The following MED13L variants were observed in gnomAD, a reference collection of about 807,000 sequenced individuals.
MED13L encodes the protein mediator of RNA polymerase II transcription subunit 13-like.
Under a neutral mutation model 220.9 loss-of-function variants are expected in MED13L, and 7 were observed. That is an observed-to-expected ratio of 0.03 (90% confidence interval 0.02 to 0.06). The LOEUF (loss-of-function observed/expected upper bound fraction) is 0.06. MED13L is among the 10% of genes least tolerant of loss of function. The pLI is 1.00. For missense variants in MED13L, 1,965 were observed against 2,760.5 expected (o/e 0.71, Z 6.46); for synonymous variants, 1,011 against 1,015.2 (o/e 1.00, Z 0.08).
intron 1 of MED13L, among the ~76,000 whole-genome samples, chr12:116,253,636 C>T (rs1232627233): frequency 1.3e-5 from 2 of 151,220 alleles, no homozygotes; most frequent in African/African-American, 4.9e-5. Flanking sequence ...CTTAGTTCAA[C>T]ATTTAGAAAC....
In MED13L at chr12:115,980,766, G is replaced by A; in HGVS notation, c.5348C>T (p.Thr1783Ile). 1.2e-6 allele frequency: 2 copies of A among 1,614,022 alleles called. No homozygotes were observed. Among genetic ancestry groups the A allele is most frequent in the Non-Finnish European group, 1.7e-6 (2 of 1,180,006 alleles). ...AATACCTACCTCAGGGTTCTTGAGG[G>A]TCATCTCAATGCTGGCTGCAGGCCC... ...GFGPAASIEM[T>I]LKNPERPSPI... The change falls in exon 23 of 31, where the codon ACC (threonine) becomes ATC (isoleucine). Residue 1783 changes from threonine (T) to isoleucine (I), a missense_variant. Coordinates refer to ENST00000281928, the MANE Select transcript of MED13L (RefSeq NM_015335.5).
intron 3 of MED13L, among the ~76,000 whole-genome samples, chr12:116,099,254 T>C (rs1872863501): frequency 1.3e-5 from 2 of 152,200 alleles, no homozygotes; most frequent in African/African-American, 4.8e-5. Context: ...CTGTCACATT[T>C]TCCCAATTCT....
rs993323494 is a variant in MED13L at position 116,175,061 on chromosome 12, C to A, written c.310+62407G>T. ...TGAGCAACAGAATGAGATCTTGTCT[C>A]CAAAAAAAGAAAAGAAAATACATAA... is the stretch of plus-strand genomic sequence containing the variant. On this transcript the variant is annotated intron_variant, in intron 2 of 30. Coordinates refer to ENST00000281928, the MANE Select transcript of MED13L (RefSeq NM_015335.5). Among the ~76,000 whole-genome samples, 4 of 151,618 alleles carry A rather than the reference C, an allele frequency of 2.6e-5. No homozygotes were observed. In the East Asian group the frequency reaches 7.7e-4, roughly 29 times the overall value.
intron 2 of MED13L, among the ~76,000 whole-genome samples, chr12:116,114,570 A>G (rs1471337191): frequency 6.6e-6 from 1 of 152,152 alleles, no homozygotes; most frequent in Non-Finnish European, 1.5e-5. Context: ...GTGGCAAAAG[A>G]CTGAACGAAC....
At chr12:116,056,405 G>A (rs1219528225) in intron 4 of MED13L, among the ~76,000 whole-genome samples, 1 of 152,030 alleles carries the variant, frequency 6.6e-6, no homozygotes, top group African/African-American at 2.4e-5. Flanking sequence ...TATGTAGCTG[G>A]GACCTCAGGC....
chr12:115,961,831 C>T (rs1051469071), intron 30 of MED13L, among the ~76,000 whole-genome samples: 24 of 151,928 alleles, frequency 1.6e-4, no homozygotes, highest in African/African-American at 3.9e-4. Flanking sequence ...ATTAGTCAGG[C>T]GTGGTGGTGC....
chr12:116,173,878 A>G (rs1879865562), intron 2 of MED13L, among the ~76,000 whole-genome samples: 1 of 152,120 alleles, frequency 6.6e-6, no homozygotes, highest in Admixed American at 6.6e-5. Flanking sequence ...GCGAGAGGAC[A>G]CCTTGAGGCC....
At chr12:116,069,530 G>C (rs1870210191) in intron 4 of MED13L, among the ~76,000 whole-genome samples, 1 of 152,088 alleles carries the variant, frequency 6.6e-6, no homozygotes, top group African/African-American at 2.4e-5. Flanking sequence ...AGTATTCTTT[G>C]GTACTGACTT....
chr12:116,130,905 A>G (rs1876012658), intron 2 of MED13L, among the ~76,000 whole-genome samples: 1 of 152,210 alleles, frequency 6.6e-6, no homozygotes, highest in Non-Finnish European at 1.5e-5. Context: ...AGAAAAATAA[A>G]CAGGAAGGAA....
intron 17 of MED13L, among the ~76,000 whole-genome samples, chr12:115,990,375 T>C (rs1877977947): frequency 6.6e-6 from 1 of 152,228 alleles, no homozygotes; most frequent in Admixed American, 6.5e-5. Flanking sequence ...GATTAGAAAG[T>C]CCATGAGGGT....
At chr12:116,026,286 T>C (rs1038513937) in intron 4 of MED13L, among the ~76,000 whole-genome samples, 12 of 152,106 alleles carry the variant, frequency 7.9e-5, no homozygotes, top group African/African-American at 2.9e-4. Context: ...ATTTGCTATG[T>C]CCCAAAACAC....
chr12:116,250,609 CA>C (rs560814737), intron 1 of MED13L, among the ~76,000 whole-genome samples: 5,101 of 70,236 alleles, frequency 0.073, 159 homozygotes, highest in Admixed American at 0.17. Flanking sequence ...ACTAAAAATA[CA>C]AAAAAAAAAA....
chr12:116,130,444 G>C (rs1324169828), intron 2 of MED13L, among the ~76,000 whole-genome samples: 4 of 152,140 alleles, frequency 2.6e-5, no homozygotes, highest in Admixed American at 2.6e-4. Flanking sequence ...AACATGTCTA[G>C]TTTTTCCAAA....
chr12:116,029,954 G>GC (rs1245076443), intron 4 of MED13L, among the ~76,000 whole-genome samples: 43 of 151,562 alleles, frequency 2.8e-4, no homozygotes, highest in Non-Finnish European at 5.0e-4. Flanking sequence ...CTCTTTTTGG[G>GC]TTTTTTGTTT....
chr12:116,031,515 A>C (rs1051222743), intron 4 of MED13L, among the ~76,000 whole-genome samples: 4 of 149,472 alleles, frequency 2.7e-5, no homozygotes, highest in African/African-American at 9.9e-5. Flanking sequence ...TGGTGTGAAC[A>C]CAGGAGGTGG....
chr12:116,029,084 T>TA (rs373116536), intron 4 of MED13L, among the ~76,000 whole-genome samples: 29 of 151,992 alleles, frequency 1.9e-4, no homozygotes, highest in Admixed American at 6.6e-4. Context: ...AATAAAATGA[T>TA]AAAAAATGGA....
chr12:116,191,847 A>C lies in MED13L; in HGVS notation c.310+45621T>G, dbSNP rs74558966. 7.5e-3 allele frequency among the ~76,000 whole-genome samples: 1,138 copies of C among 152,150 alleles called. 7 individuals carry two copies. The highest frequency in any genetic ancestry group is 0.019 in the South Asian group (92 of 4,824). On this transcript the variant is annotated intron_variant, in intron 2 of 30. Transcript: ENST00000281928. ...TTAATTAATTAATTTAAAAATCTAC[A>C]TTTAATTAAAAAGTACTATAGCATC...
intron 2 of MED13L, among the ~76,000 whole-genome samples, chr12:116,170,641 C>A (rs1879613984): frequency 2.0e-5 from 3 of 146,616 alleles, no homozygotes; most frequent in African/African-American, 7.7e-5. Flanking sequence ...CACTCTGTTG[C>A]CCAGGCTAGG....
intron 8 of MED13L, among the ~76,000 whole-genome samples, chr12:116,013,413 A>G (rs1345754861): frequency 1.3e-5 from 2 of 152,196 alleles, no homozygotes; most frequent in African/African-American, 2.4e-5. Flanking sequence ...TGTTTCATGC[A>G]CAAAATTGTT....
Sources: gnomAD v4.1 joint callset for allele counts (sites outside exome capture counted in the v4.1 genomes callset) on GRCh38, gnomAD v4.1.1 for gene constraint, MANE v1.5 for transcripts, NCBI Gene and HGNC (gene_info 2026-07-23, HGNC 2026-07-21) for gene names.